The following STK39 variants were observed in gnomAD, a reference collection of about 807,000 sequenced individuals.
STK39 encodes the protein serine/threonine kinase 39, also known as STE20/SPS1-related proline-alanine-rich protein kinase.
A neutral mutation model predicts 77.8 loss-of-function variants in STK39; 20 were observed. That is an observed-to-expected ratio of 0.26 (90% confidence interval 0.18 to 0.37). STK39 has a LOEUF of 0.37. Ranked by LOEUF, STK39 falls within the 10% of genes least tolerant of loss-of-function variation. The pLI is 1.00. For missense variants in STK39, 479 were observed against 656.5 expected, an observed-to-expected ratio of 0.73 and a Z score of 2.95; for synonymous variants, 246 against 234.1, an observed-to-expected ratio of 1.05 and a Z score of -0.47.
At chr2:168,109,208 G>A (rs1289872677) in intron 10 of STK39, among the ~76,000 whole-genome samples, 1 of 152,078 alleles carries the variant, frequency 6.6e-6, no homozygotes, top group Non-Finnish European at 1.5e-5. Flanking sequence ...TTGCTACATG[G>A]CACATACCCT....
At chr2:168,140,888 G>T in intron 5 of STK39, 130 bp from the exon 6 acceptor site, 1 of 682,466 alleles carries the variant, frequency 1.5e-6, no homozygotes, top group Non-Finnish European at 2.3e-6. Context: ...TGTCTACGGT[G>T]CTCTCTCAGG....
chr2:168,176,125 G>A (rs774516075), intron 2 of STK39, among the ~76,000 whole-genome samples: 15 of 152,168 alleles, frequency 9.9e-5, no homozygotes, highest in African/African-American at 2.2e-4. Flanking sequence ...ACATACTTTC[G>A]TTGATGCGAT....
chr2:167,991,962 G>T (rs968381244), intron 16 of STK39, among the ~76,000 whole-genome samples: 1 of 152,086 alleles, frequency 6.6e-6, no homozygotes, highest in Non-Finnish European at 1.5e-5. Context: ...CAGCCTGATC[G>T]GCTTGAACAA....
At chr2:168,153,417 A>G (rs1688340724) in intron 5 of STK39, among the ~76,000 whole-genome samples, 2 of 152,200 alleles carry the variant, frequency 1.3e-5, no homozygotes, top group Admixed American at 1.3e-4. Context: ...AGCCTGCTTC[A>G]GAACCCTTAG....
intron 17 of STK39, among the ~76,000 whole-genome samples, chr2:167,959,880 G>A (rs115008355): frequency 0.036 from 5,540 of 152,086 alleles, 142 homozygotes; most frequent in Non-Finnish European, 0.053. Flanking sequence ...TTACACCAAC[G>A]TCAACACAGT....
intron 17 of STK39, among the ~76,000 whole-genome samples, chr2:167,957,535 G>C (rs1574343367): frequency 6.6e-6 from 1 of 152,100 alleles, no homozygotes. Context: ...TCTCTCTCAT[G>C]TGTAGCTCTT....
At chr2:168,132,206 T>G (rs1687715189) in intron 8 of STK39, among the ~76,000 whole-genome samples, 1 of 152,206 alleles carries the variant, frequency 6.6e-6, no homozygotes, top group South Asian at 2.1e-4. Context: ...GATTTTAATT[T>G]TTTTAATGTG....
At chr2:168,095,138 C>T (rs1686629375) in intron 10 of STK39, among the ~76,000 whole-genome samples, 5 of 152,192 alleles carry the variant, frequency 3.3e-5, no homozygotes, top group Admixed American at 3.3e-4. Flanking sequence ...AAACTGTCCT[C>T]TACTGTTCAC....
chr2:168,112,505 G>A (rs1183892900), intron 10 of STK39, among the ~76,000 whole-genome samples: 3 of 152,056 alleles, frequency 2.0e-5, no homozygotes, highest in Non-Finnish European at 4.4e-5. Context: ...CATGTAAGAT[G>A]CGTCTTGCTT....
At chr2:168,101,901 C>G (rs1183086094) in intron 10 of STK39, among the ~76,000 whole-genome samples, 1 of 152,032 alleles carries the variant, frequency 6.6e-6, no homozygotes, top group Non-Finnish European at 1.5e-5. Context: ...GCTGTCACCC[C>G]AAAAAGAAAC....
intron 14 of STK39, among the ~76,000 whole-genome samples, chr2:168,037,195 A>AT (rs1348782376): frequency 6.6e-6 from 1 of 152,226 alleles, no homozygotes; most frequent in Non-Finnish European, 1.5e-5. Context: ...CCACCTGGGT[A>AT]TTTTGAGATT....
intron 1 of STK39, among the ~76,000 whole-genome samples, chr2:168,183,812 C>G (rs1240836145): frequency 6.6e-6 from 1 of 152,326 alleles, no homozygotes; most frequent in South Asian, 2.1e-4. Context: ...GATCACAGCC[C>G]ACTGGGTTCA....
intron 10 of STK39, among the ~76,000 whole-genome samples, chr2:168,112,147 CA>C (rs1687135635): frequency 6.6e-6 from 1 of 151,708 alleles, no homozygotes; most frequent in Non-Finnish European, 1.5e-5. Flanking sequence ...AACCAGGAGC[CA>C]AAAGTGGAAA....
intron 16 of STK39, among the ~76,000 whole-genome samples, chr2:168,002,226 A>G (rs143598329): frequency 7.9e-4 from 120 of 152,356 alleles, no homozygotes; most frequent in African/African-American, 2.8e-3. Context: ...CAAAGTAACA[A>G]AGTTAATTAG....
intron 10 of STK39, 36 bp from the exon 11 acceptor site, chr2:168,075,267 T>C: frequency 1.9e-6 from 3 of 1,611,388 alleles, no homozygotes; most frequent in Non-Finnish European, 2.5e-6. Flanking sequence ...TCTTCACTAG[T>C]CAAATGTGAA....
intron 14 of STK39, among the ~76,000 whole-genome samples, chr2:168,042,553 A>G (rs1685133172): frequency 6.6e-6 from 1 of 150,796 alleles, no homozygotes; most frequent in Non-Finnish European, 1.5e-5. Flanking sequence ...GGTTTGAAGG[A>G]TCTTAATTCT....
intron 1 of STK39, among the ~76,000 whole-genome samples, chr2:168,243,739 C>T (rs531806236): frequency 2.0e-5 from 3 of 152,338 alleles, no homozygotes; most frequent in African/African-American, 7.2e-5. Context: ...CTGCTCCATT[C>T]CATTACGGAT....
intron 14 of STK39, among the ~76,000 whole-genome samples, chr2:168,050,414 G>C (rs1026742327): frequency 6.6e-6 from 1 of 151,992 alleles, no homozygotes; most frequent in Non-Finnish European, 1.5e-5. Flanking sequence ...ACTCTTCATG[G>C]CAAAAAGGGA....
chr2:168,115,259 T>C (rs951968570), intron 10 of STK39, among the ~76,000 whole-genome samples: 3 of 152,212 alleles, frequency 2.0e-5, no homozygotes, highest in African/African-American at 7.2e-5. Context: ...AAATACCATA[T>C]GCTAGGCACT....
Sources: gnomAD v4.1 joint callset for allele counts (sites outside exome capture counted in the v4.1 genomes callset) on GRCh38, gnomAD v4.1.1 for gene constraint, MANE v1.5 for transcripts, NCBI Gene and HGNC (gene_info 2026-07-23, HGNC 2026-07-21) for gene names.